Variants in CLPB observed in about 807,000 individuals in gnomAD.
CLPB encodes ClpB family mitochondrial disaggregase.
A neutral mutation model predicts 78.4 loss-of-function variants in CLPB; 40 were observed. That is an observed-to-expected ratio of 0.51 (90% CI 0.40 to 0.66). The LOEUF is 0.66. Among genes scored for constraint, CLPB ranks in the 30% least tolerant of loss-of-function variants. CLPB has a pLI of 0.00. For missense variants in CLPB, 780 were observed against 886.9 expected, an observed-to-expected ratio of 0.88 and a Z score of 1.53; for synonymous variants, 333 against 348.0, an observed-to-expected ratio of 0.96 and a Z score of 0.48.
In CLPB at chr11:72,291,225, G is replaced by A. The variant is rs149161528; in HGVS notation, c.*2142C>T. 16 of 152,228 alleles carry A rather than the reference G, an allele frequency of 1.1e-4. No homozygotes were observed. The highest frequency in any genetic ancestry group is 3.4e-4 in the African/African-American group (14 of 41,456). The allele number at this position is 152,228 out of a possible 1,614,324, so 9.4% of individuals were successfully genotyped here. A position where few individuals can be genotyped will look rare whatever the true frequency, so the allele number is the denominator to read the frequency against. On this transcript the variant is annotated 3_prime_UTR_variant, in exon 16 of 16. Transcript: ENST00000538039. ...CAACAAAATGCAATATGGGACCCTG[G>A]ACCAGACAAAGGACATCATCGGGAA... is the stretch of plus-strand genomic sequence containing the variant.
intron 6 of CLPB, among the ~76,000 whole-genome samples, chr11:72,320,039 C>G (rs930567853): frequency 6.6e-6 from 1 of 152,202 alleles, no homozygotes; most frequent in African/African-American, 2.4e-5. Context: ...TCTAGGAACC[C>G]TAGGTCTGCA....
intron 2 of CLPB, among the ~76,000 whole-genome samples, chr11:72,407,029 C>T (rs1213663219): frequency 6.6e-6 from 1 of 152,176 alleles, no homozygotes; most frequent in Non-Finnish European, 1.5e-5. Flanking sequence ...CATAACTCCC[C>T]ACGGTGTGTG....
At chr11:72,414,199 A>G (rs1437610721) in intron 2 of CLPB, among the ~76,000 whole-genome samples, 1 of 152,180 alleles carries the variant, frequency 6.6e-6, no homozygotes, top group Non-Finnish European at 1.5e-5. Context: ...ACAAGGCCAT[A>G]AACAGGAGGG....
At position 72,286,223 on chromosome 11, in the gene CLPB, G is replaced by GTTTTTTTTTTGTTTTTTTTTTTTTTT. The variant is rs1205532935; in HGVS notation, c.*7143_*7144insAAAAAAAAAAAAAAACAAAAAAAAAA. On this transcript the variant is annotated 3_prime_UTR_variant, in exon 16 of 16. Coordinates refer to ENST00000538039, the MANE Select transcript of CLPB (RefSeq NM_001258392.3). ...ATTACAGGTGTGAGATACTGCACCT[G>GTTTTTTTTTTGTTTTTTTTTTTTTTT]TTTTTTTTTTTTTTTTTTTTTTTAA... 1.7e-5 allele frequency: 1 copy of GTTTTTTTTTTGTTTTTTTTTTTTTTT among 60,450 alleles called. No individual in the cohort carries two copies. The highest frequency in any genetic ancestry group is 3.1e-5 in the Non-Finnish European group (1 of 32,212). The allele number at this position is 60,450 out of a possible 1,614,324, so 3.7% of individuals were successfully genotyped here. A position where few individuals can be genotyped will look rare whatever the true frequency, so the allele number is the denominator to read the frequency against.
intron 2 of CLPB, among the ~76,000 whole-genome samples, chr11:72,403,312 C>A (rs1855617964): frequency 6.6e-6 from 1 of 152,196 alleles, no homozygotes; most frequent in South Asian, 2.1e-4. Context: ...CTCTCTCCTT[C>A]CCTTAAATCA....
At chr11:72,346,905 C>T (rs552357607) in intron 5 of CLPB, among the ~76,000 whole-genome samples, 10 of 150,034 alleles carry the variant, frequency 6.7e-5, no homozygotes, top group Admixed American at 4.0e-4. Flanking sequence ...CGCTTGAACC[C>T]GGGAGACGGA....
At position 72,358,872 on chromosome 11, in the gene CLPB, G is replaced by A. The variant is rs770738733; in HGVS notation, c.775+8C>T. The A allele has an allele frequency of 1.6e-6, 2 of 1,251,566 alleles. No homozygotes were observed. The highest frequency in any genetic ancestry group is 1.2e-4 in the East Asian group (2 of 17,386). The allele number at this position is 1,251,566 out of a possible 1,614,324, so 77.5% of individuals were successfully genotyped here. ...CCCACCCCACCCCTCCTCCACCTCT[G>A]CTCTCACCTCCATCAAGCAGCTCCT... On this transcript the variant is annotated splice_region_variant and intron_variant, in intron 5 of 15. Coordinates refer to ENST00000538039, the MANE Select transcript of CLPB (RefSeq NM_001258392.3).
chr11:72,416,755 A>AAAAAAT (rs1565094478), intron 2 of CLPB, among the ~76,000 whole-genome samples: 9 of 150,438 alleles, frequency 6.0e-5, no homozygotes, highest in African/African-American at 2.2e-4. Context: ...AAAAAAAAAA[A>AAAAAAT]GAAAAAAGAA....
rs1950751303 is a variant in CLPB at position 72,357,933 on chromosome 11, T to C, written c.775+947A>G. ...CCTGGGGTCTAGCCCCAAGAGAGGATCCCTGGCCCTCAAAAAGCACCAGAG... is the reference window on the plus strand; with the variant it reads ...CCTGGGGTCTAGCCCCAAGAGAGGACCCCTGGCCCTCAAAAAGCACCAGAG... On this transcript the variant is annotated intron_variant, in intron 5 of 15. Transcript: ENST00000538039. Among the ~76,000 whole-genome samples the C allele has an allele frequency of 2.0e-5, 3 of 152,138 alleles. No individual in the cohort carries two copies. In the South Asian group the frequency reaches 6.3e-4, roughly 32 times the overall value.
intron 2 of CLPB, among the ~76,000 whole-genome samples, chr11:72,425,523 C>T (rs189716089): frequency 1.3e-5 from 2 of 152,218 alleles, no homozygotes; most frequent in Admixed American, 1.3e-4. Context: ...AGAGGGCACA[C>T]GAGCTCCTCT....
In CLPB at chr11:72,413,538, T is replaced by C. The variant is rs936434213; in HGVS notation, c.456-10486A>G. ...TTACAGAACCACTAACTAATGATGA[T>C]AAAATTCAGAACATTTAACATTGAT... On this transcript the variant is annotated intron_variant, in intron 2 of 15. Coordinates refer to ENST00000538039, the MANE Select transcript of CLPB (RefSeq NM_001258392.3). Among the ~76,000 whole-genome samples the C allele has an allele frequency of 3.9e-5, 6 of 152,334 alleles. 1 individual carries two copies. Among genetic ancestry groups the C allele is most frequent in the Non-Finnish European group, 2.9e-5 (2 of 68,022 alleles).
chr11:72,394,749 GT>G (rs1183677318), intron 3 of CLPB, among the ~76,000 whole-genome samples: 1 of 152,234 alleles, frequency 6.6e-6, no homozygotes, highest in Non-Finnish European at 1.5e-5. Context: ...AGCAGTAGGG[GT>G]GGGAGAAACG....
At chr11:72,331,570 G>GTT (rs71062765) in intron 5 of CLPB, among the ~76,000 whole-genome samples, 57 of 49,392 alleles carry the variant, frequency 1.2e-3, no homozygotes, top group African/African-American at 1.6e-3. Flanking sequence ...TTTCTTTTCT[G>GTT]TTTTTTTTTT....
intron 4 of CLPB, among the ~76,000 whole-genome samples, chr11:72,377,881 ATT>A (rs996354208): frequency 3.3e-5 from 5 of 152,206 alleles, no homozygotes; most frequent in African/African-American, 1.2e-4. Context: ...TCGTTTGTGT[ATT>A]GTTTGTGGCT....
chr11:72,332,138 T>A (rs117392768), intron 5 of CLPB, among the ~76,000 whole-genome samples: 4,464 of 151,532 alleles, frequency 0.029, 108 homozygotes, highest in Non-Finnish European at 0.04. Context: ...ATAAATATAT[T>A]TTTTTTTATT....
chr11:72,427,917 A>G (rs887639570), intron 2 of CLPB, among the ~76,000 whole-genome samples: 2 of 152,182 alleles, frequency 1.3e-5, no homozygotes, highest in Admixed American at 1.3e-4. Flanking sequence ...AGAAGAAATA[A>G]AGAGCAGCAT....
chr11:72,434,089 T>C lies in CLPB; in HGVS notation c.386A>G (p.Lys129Arg), dbSNP rs766814669. The change falls in exon 1 of 16, where the codon AAG becomes AGG. Residue 129 changes from lysine to arginine, a missense_variant. Physicochemically the swap from Lys to Arg is conservative, Grantham distance 26. Coordinates refer to ENST00000538039, the MANE Select transcript of CLPB (RefSeq NM_001258392.3). The stretch of plus-strand genomic sequence containing the variant: ...ATAATCACCCTTGTTGGACGGACTC[T>C]TGCTGTAGCAATGAACCACCAGCGC... ...AAALVVHCYS[K>R]SPSNKDAALL... The C allele has an allele frequency of 2.5e-6, 4 of 1,611,168 alleles. No homozygotes were observed. Among genetic ancestry groups the C allele is most frequent in the South Asian group, 1.1e-5 (1 of 91,050 alleles).
At chr11:72,340,764 T>C (rs1003042801) in intron 5 of CLPB, among the ~76,000 whole-genome samples, 11 of 152,240 alleles carry the variant, frequency 7.2e-5, no homozygotes, top group Non-Finnish European at 1.5e-4. Context: ...TGCCACTTAG[T>C]GGTGAACCTT....
At chr11:72,389,577 T>A (rs1173974485) in intron 3 of CLPB, among the ~76,000 whole-genome samples, 1 of 152,218 alleles carries the variant, frequency 6.6e-6, no homozygotes. Context: ...TCAGGACACA[T>A]CTCCACTCAA....
Sources: gnomAD v4.1 joint callset for allele counts (sites outside exome capture counted in the v4.1 genomes callset) on GRCh38, gnomAD v4.1.1 for gene constraint, MANE v1.5 for transcripts, NCBI Gene and HGNC (gene_info 2026-07-23, HGNC 2026-07-21) for gene names.